AGMO: variants seen among roughly 807,000 people sequenced by gnomAD.
AGMO encodes glyceryl-ether monooxygenase.
A neutral mutation model predicts 60.2 loss-of-function variants in AGMO; 75 were observed. That is an observed-to-expected ratio of 1.25 (90% CI 1.03 to 1.51). AGMO has a LOEUF of 1.51. Among genes scored for constraint, AGMO ranks in the 40% most tolerant of loss-of-function variants. The pLI, the probability that AGMO is intolerant of heterozygous loss-of-function variation, is 0.00. For missense variants in AGMO, 763 were observed against 525.5 expected, an observed-to-expected ratio of 1.45 and a Z score of -4.42; for synonymous variants, 261 against 177.1, an observed-to-expected ratio of 1.47 and a Z score of -3.76.
rs978995523 is a variant in AGMO at position 15,542,839 on chromosome 7, G to A, written c.409+1933C>T. 3.3e-5 allele frequency among the ~76,000 whole-genome samples: 5 copies of A among 152,142 alleles called. No individual in the cohort carries two copies. The East Asian group carries it at 5.8e-4, about 18-fold the overall frequency. On this transcript the variant is annotated intron_variant, in intron 3 of 12. Transcript: ENST00000342526. ...ATGTGTCAAAGACAAAGGTTATCAC[G>A]CACAAACTTAATAACTTTTTCTAAC...
intron 3 of AGMO, among the ~76,000 whole-genome samples, chr7:15,489,112 T>C (rs1459009467): frequency 6.6e-6 from 1 of 152,194 alleles, no homozygotes; most frequent in Non-Finnish European, 1.5e-5. Context: ...TCTTAGCTTT[T>C]AATGATTGTT....
At chr7:15,393,267 G>GC (rs1784224054) in intron 6 of AGMO, among the ~76,000 whole-genome samples, 1 of 152,204 alleles carries the variant, frequency 6.6e-6, no homozygotes, top group Non-Finnish European at 1.5e-5. Flanking sequence ...GAAAGGCAGG[G>GC]CTTCAGGGAT....
the AGMO span, among the ~76,000 whole-genome samples, chr7:15,149,332 T>G: frequency 6.6e-6 from 1 of 152,278 alleles, no homozygotes; most frequent in African/African-American, 2.4e-5. Flanking sequence ...TAGGCCCCAC[T>G]TATCTATTTT....
intron 12 of AGMO, among the ~76,000 whole-genome samples, chr7:15,327,668 G>A (rs556116245): frequency 2.6e-5 from 4 of 151,582 alleles, no homozygotes; most frequent in Non-Finnish European, 5.9e-5. Flanking sequence ...TTACGTTGAG[G>A]GTATATGTAA....
chr7:15,472,491 G>A (rs765239175), intron 3 of AGMO, among the ~76,000 whole-genome samples: 3 of 151,784 alleles, frequency 2.0e-5, no homozygotes, highest in Non-Finnish European at 4.4e-5. Flanking sequence ...CAGTACTTTA[G>A]ACCTGAAAGA....
intron 5 of AGMO, among the ~76,000 whole-genome samples, chr7:15,412,684 TAAAAAAA>T (rs765917941): frequency 9.0e-6 from 1 of 111,374 alleles, no homozygotes; most frequent in East Asian, 2.4e-4. Context: ...TTTCATTATT[TAAAAAAA>T]AAAAAAAAAA....
In AGMO at chr7:15,279,466, G is replaced by A. The variant is rs539037495; in HGVS notation, c.1264-78107C>T. Among the ~76,000 whole-genome samples, 6 of 151,892 alleles carry A rather than the reference G, an allele frequency of 4.0e-5. No individual in the cohort carries two copies. In the South Asian group the frequency reaches 1.2e-3, roughly 31 times the overall value. ...CCATCTTGAACTGGAATGAACACTG[G>A]TTGTTTTTTTTTATTTTTTTTAATA... is the stretch of plus-strand genomic sequence containing the variant. On this transcript the variant is annotated intron_variant, in intron 12 of 12. Coordinates refer to ENST00000342526, the MANE Select transcript of AGMO (RefSeq NM_001004320.2).
At chr7:15,447,046 G>T (rs1296245174) in intron 3 of AGMO, among the ~76,000 whole-genome samples, 1 of 152,186 alleles carries the variant, frequency 6.6e-6, no homozygotes, top group African/African-American at 2.4e-5. Context: ...ACGATGAGAT[G>T]AAAGGGAATA....
intron 3 of AGMO, among the ~76,000 whole-genome samples, chr7:15,514,387 G>A (rs865914920): frequency 3.3e-5 from 5 of 152,040 alleles, no homozygotes; most frequent in African/African-American, 9.7e-5. Flanking sequence ...AACAATGACC[G>A]TAGTATGAAT....
the AGMO span, among the ~76,000 whole-genome samples, chr7:15,161,042 T>C: frequency 1.3e-5 from 2 of 152,104 alleles, no homozygotes; most frequent in Non-Finnish European, 2.9e-5. Flanking sequence ...GGGAACCCAC[T>C]TGCACAATAA....
intron 3 of AGMO, among the ~76,000 whole-genome samples, chr7:15,476,120 A>C (rs1782587728): frequency 6.6e-6 from 1 of 152,144 alleles, no homozygotes; most frequent in Non-Finnish European, 1.5e-5. Context: ...TAATATGTAC[A>C]AAGTGAGAAT....
Position 15,394,045 on chromosome 7 carries a change from A to T in AGMO, c.676+68T>A, listed in dbSNP as rs1784262807. On this transcript the variant is annotated intron_variant, in intron 6 of 12. Coordinates refer to ENST00000342526, the MANE Select transcript of AGMO (RefSeq NM_001004320.2). ...TATTGGGAAATTGTGATTAAATGAG[A>T]TTAAGGAAAATAATAATGCAATTTT... 6.8e-6 allele frequency: 8 copies of T among 1,183,276 alleles called. No homozygotes were observed. The South Asian group carries it at 8.7e-5, about 13-fold the overall frequency. 73.3% of individuals were successfully genotyped at this position (1,183,276 alleles called of 1,614,324 possible). A position where few individuals can be genotyped will look rare whatever the true frequency, so the allele number is the denominator to read the frequency against.
At chr7:15,257,146 A>G (rs1426263068) in intron 12 of AGMO, among the ~76,000 whole-genome samples, 1 of 152,180 alleles carries the variant, frequency 6.6e-6, no homozygotes, top group African/African-American at 2.4e-5. Context: ...TTCAAGCAAC[A>G]TGGATAATAA....
chr7:15,361,546 A>AAAAAAAAAAAAAAAAAAAAAAAAAAG lies in AGMO; in HGVS notation c.1263+3967_1263+3968insCTTTTTTTTTTTTTTTTTTTTTTTTT, dbSNP rs60239009. Among the ~76,000 whole-genome samples, 8 of 91,418 alleles carry AAAAAAAAAAAAAAAAAAAAAAAAAAG rather than the reference A, an allele frequency of 8.8e-5. 1 individual carries two copies. Among genetic ancestry groups the AAAAAAAAAAAAAAAAAAAAAAAAAAG allele is most frequent in the African/African-American group, 1.7e-4 (4 of 23,298 alleles). 60.0% of individuals were successfully genotyped at this position (91,418 alleles called of 152,430 possible). ...CAGAGCGAGACTGTGTCTCAAAAAA[A>AAAAAAAAAAAAAAAAAAAAAAAAAAG]AAAAAAAAGGTTTTGAGATTTAGAT... On this transcript the variant is annotated intron_variant, in intron 12 of 12. Coordinates refer to ENST00000342526, the MANE Select transcript of AGMO (RefSeq NM_001004320.2).
intron 12 of AGMO, among the ~76,000 whole-genome samples, chr7:15,265,457 AAAG>A (rs1783404039): frequency 6.6e-6 from 1 of 152,010 alleles, no homozygotes; most frequent in Admixed American, 6.6e-5. Flanking sequence ...AAAAAAGAAA[AAAG>A]AACAGAATAG....
intron 12 of AGMO, among the ~76,000 whole-genome samples, chr7:15,231,169 C>A (rs1377790332): frequency 6.6e-6 from 1 of 152,116 alleles, no homozygotes; most frequent in Non-Finnish European, 1.5e-5. Context: ...CTTAATTTCT[C>A]CGTAATTCCT....
At chr7:15,246,060 C>G (rs1014730138) in intron 12 of AGMO, among the ~76,000 whole-genome samples, 1 of 151,918 alleles carries the variant, frequency 6.6e-6, no homozygotes, top group Non-Finnish European at 1.5e-5. Flanking sequence ...TAAAAAAAAG[C>G]TGATTAAATG....
At chr7:15,252,367 G>A (rs1248573078) in intron 12 of AGMO, among the ~76,000 whole-genome samples, 1 of 152,164 alleles carries the variant, frequency 6.6e-6, no homozygotes, top group Non-Finnish European at 1.5e-5. Flanking sequence ...GAGTGTGGGT[G>A]GAGCCCATGA....
chr7:15,350,524 G>C (rs1255246227), intron 12 of AGMO, among the ~76,000 whole-genome samples: 1 of 152,098 alleles, frequency 6.6e-6, no homozygotes, highest in Non-Finnish European at 1.5e-5. Flanking sequence ...AGAGCTTACA[G>C]TCACACCTGA....
Sources: allele counts gnomAD v4.1 joint callset (sites outside exome capture counted in the v4.1 genomes callset), GRCh38; gene constraint gnomAD v4.1.1; transcripts MANE v1.5; gene names NCBI Gene and HGNC (gene_info 2026-07-23, HGNC 2026-07-21).